The following SPATA6L variants were observed in gnomAD, a reference collection of about 807,000 sequenced individuals.
SPATA6L encodes spermatogenesis associated 6-like protein.
A neutral mutation model predicts 49.2 loss-of-function variants in SPATA6L; 68 were observed. The ratio of observed to expected loss-of-function variants is 1.38; its 90% CI spans 1.14 to 1.69. The LOEUF (loss-of-function observed/expected upper bound fraction) is 1.69, where lower values mean the gene tolerates loss of function less well. Among genes scored for constraint, SPATA6L ranks in the 40% most tolerant of loss-of-function variants. The pLI is 0.00. For synonymous variants in SPATA6L, 198 were observed against 165.7 expected (o/e 1.19, Z -1.50); for missense variants, 668 against 464.3 (o/e 1.44, Z -4.03).
intron 3 of SPATA6L, 46 bp downstream of exon 3, chr9:4,655,995 A>G: frequency 2.1e-6 from 3 of 1,451,948 alleles, no homozygotes; most frequent in Non-Finnish European, 2.9e-6. Flanking sequence ...TGTGAATTAC[A>G]CACAATAGTC....
intron 3 of SPATA6L, among the ~76,000 whole-genome samples, chr9:4,648,724 A>AAATAAATAAATAAATAAAT (rs769508422): frequency 0.015 from 2,173 of 149,172 alleles, 54 homozygotes; most frequent in East Asian, 0.035. Context: ...TTAAATAAAT[A>AAATAAATAAATAAATAAAT]AATACATAAG....
Position 4,612,942 on chromosome 9 carries a change from T to G in SPATA6L, c.995+4981A>C, listed in dbSNP as rs182632585. On this transcript the variant is annotated intron_variant, in intron 9 of 11. Transcript: ENST00000682582. ...AAAACACCCAAAGAATTATAGCCAC[T>G]TGGGGCCAGGCGCAGTGGCTCACAC... is the stretch of plus-strand genomic sequence containing the variant. 9.0e-3 allele frequency among the ~76,000 whole-genome samples: 1,376 copies of G among 152,086 alleles called. 8 individuals are homozygous for G. Among genetic ancestry groups the G allele is most frequent in the South Asian group, 0.022 (105 of 4,824 alleles).
chr9:4,625,921 T>A (rs1287589696), intron 5 of SPATA6L: 1 of 165,768 alleles, frequency 6.0e-6, no homozygotes, highest in Non-Finnish European at 1.3e-5. Flanking sequence ...TATAAGGAAA[T>A]AACTATGGCT....
chr9:4,639,251 T>G (rs1833522162), intron 3 of SPATA6L, among the ~76,000 whole-genome samples: 1 of 152,110 alleles, frequency 6.6e-6, no homozygotes, highest in Non-Finnish European at 1.5e-5. Flanking sequence ...AACAAACACC[T>G]AGATGCATGA....
In SPATA6L at chr9:4,662,592, C is replaced by CT; in HGVS notation, c.40-557dup. 2 of 1,592,334 alleles carry CT rather than the reference C, an allele frequency of 1.3e-6. No individual in the cohort carries two copies. The highest frequency in any genetic ancestry group is 1.7e-6 in the Non-Finnish European group (2 of 1,176,862). On this transcript the variant is annotated intron_variant, in intron 1 of 11. Transcript: ENST00000682582. The surrounding 1 kb of genome is among the most constrained non-coding windows in gnomAD (Gnocchi z 4.9). The stretch of plus-strand genomic sequence containing the variant: ...AGTTCACCGCCGCGGCTCCTTCCCC[C>CT]TGGCCGCGGCGGGCCCCTCGCAGTC...
chr9:4,596,045 T>A (rs949280228), downstream of SPATA6L, among the ~76,000 whole-genome samples: 3 of 152,230 alleles, frequency 2.0e-5, no homozygotes, highest in African/African-American at 7.2e-5. Flanking sequence ...CAAACTCAAC[T>A]GCTTCTGACA....
At chr9:4,643,465 G>C (rs117140045) in intron 3 of SPATA6L, among the ~76,000 whole-genome samples, 1 of 152,078 alleles carries the variant, frequency 6.6e-6, no homozygotes, top group Non-Finnish European at 1.5e-5. Flanking sequence ...TCTATTATTT[G>C]TAAATATACC....
chr9:4,625,169 T>A, intron 6 of SPATA6L, 158 bp downstream of exon 6: 1 of 1,323,728 alleles, frequency 7.6e-7, no homozygotes, highest in Non-Finnish European at 9.9e-7. Flanking sequence ...GACAACGATC[T>A]AGGAAATGAA....
rs1825390742 is a variant in SPATA6L at position 4,606,948 on chromosome 9, A to G, written c.996-1508T>C. ...AATAATCAATACAGAGAAGTGCTTA[A>G]AGGAGCTGATGGAGCTGAAAACCAA... On this transcript the variant is annotated intron_variant, in intron 9 of 11. Coordinates refer to ENST00000682582, the MANE Select transcript of SPATA6L (RefSeq NM_001353486.2). Among the ~76,000 whole-genome samples, 9 of 145,932 alleles carry G rather than the reference A, an allele frequency of 6.2e-5. 1 individual carries two copies. The South Asian group carries it at 1.9e-3, about 32-fold the overall frequency.
rs111667376 is a variant in SPATA6L, at chr9:4,599,094, T to C, written c.*1717A>G. Among the ~76,000 whole-genome samples the C allele has an allele frequency of 2.6e-5, 4 of 152,386 alleles. No homozygotes were observed. Among genetic ancestry groups the C allele is most frequent in the East Asian group, 1.9e-4 (1 of 5,188 alleles). On this transcript the variant is annotated 3_prime_UTR_variant, in exon 12 of 12. Transcript: ENST00000682582. ...TCATTTACGTTTTATATACACTTTA[T>C]ACAGGTAGCCTGAAGGTAATTTTAT...
intron 3 of SPATA6L, among the ~76,000 whole-genome samples, chr9:4,650,864 G>C (rs1026788043): frequency 7.2e-6 from 1 of 138,836 alleles, no homozygotes; most frequent in Non-Finnish European, 1.6e-5. Context: ...GTGTGTGTGT[G>C]TGTGTGTGTG....
chr9:4,635,274 C>T lies in SPATA6L; in HGVS notation c.351+1G>A, dbSNP rs1477154926. ...AGCCCAGATGAGCATGAATCACTTA[C>T]TGGAAAACCCAGAGCCGTCTTCATG... is the stretch of plus-strand genomic sequence containing the variant. On this transcript the variant is annotated splice_donor_variant, in intron 4 of 11. Transcript: ENST00000682582. LOFTEE classifies it high-confidence loss of function. 6.6e-7 allele frequency: 1 copy of T among 1,512,544 alleles called. No individual in the cohort carries two copies. Among genetic ancestry groups the T allele is most frequent in the East Asian group, 2.6e-5 (1 of 37,878 alleles). 93.7% of individuals were successfully genotyped at this position (1,512,544 alleles called of 1,614,324 possible). A position where few individuals can be genotyped will look rare whatever the true frequency, so the allele number is the denominator to read the frequency against.
intron 13 of SPATA6L, among the ~76,000 whole-genome samples, chr9:4,589,450 C>T (rs1487604136): frequency 6.6e-6 from 1 of 152,184 alleles, no homozygotes; most frequent in Non-Finnish European, 1.5e-5. Flanking sequence ...TCACAGCAAA[C>T]AGTATATCCA....
chr9:4,641,552 A>G (rs747780245), intron 3 of SPATA6L, among the ~76,000 whole-genome samples: 2 of 152,216 alleles, frequency 1.3e-5, no homozygotes, highest in Admixed American at 6.5e-5. Flanking sequence ...TAAGGGACTA[A>G]TGACAAGAAA....
chr9:4,654,841 G>A (rs1168186593), intron 3 of SPATA6L, among the ~76,000 whole-genome samples: 1 of 151,534 alleles, frequency 6.6e-6, no homozygotes, highest in African/African-American at 2.4e-5. Flanking sequence ...GGTGGGCCAG[G>A]ATGGTCTTGG....
chr9:4,635,521 G>T, intron 3 of SPATA6L, 122 bp from the exon 4 acceptor site: 2 of 939,244 alleles, frequency 2.1e-6, no homozygotes, highest in Non-Finnish European at 1.5e-6. Flanking sequence ...ATTGATCCTA[G>T]CACATGTTAT....
intron 4 of SPATA6L, among the ~76,000 whole-genome samples, chr9:4,632,767 T>C (rs953157790): frequency 7.2e-5 from 11 of 152,176 alleles, no homozygotes; most frequent in Admixed American, 6.5e-4. Context: ...ATCCTTAGTA[T>C]TGTGTGATTC....
intron 3 of SPATA6L, among the ~76,000 whole-genome samples, chr9:4,640,912 A>G (rs557293842): frequency 6.6e-6 from 1 of 152,348 alleles, no homozygotes. Context: ...GCACTCAGCT[A>G]GAATATTCTG....
intron 5 of SPATA6L, 71 bp downstream of exon 5, chr9:4,629,019 TG>T (rs1830895329): frequency 2.8e-6 from 3 of 1,081,232 alleles, no homozygotes; most frequent in Non-Finnish European, 4.1e-6. Context: ...AAACTGAGTT[TG>T]GGCAAAAATT....
Sources: gnomAD v4.1 joint callset for allele counts (sites outside exome capture counted in the v4.1 genomes callset) on GRCh38, gnomAD v4.1.1 for gene constraint, Gnocchi (gnomAD v3.1) non-coding constraint, MANE v1.5 for transcripts, NCBI Gene and HGNC (gene_info 2026-07-23, HGNC 2026-07-21) for gene names.